The following CA10 variants were observed in gnomAD, a reference collection of about 807,000 sequenced individuals.
CA10 encodes carbonic anhydrase 10 (inactive).
In CA10, 14 loss-of-function variants were observed where a neutral mutation model predicts 44.2. The ratio of observed to expected loss-of-function variants is 0.32; its 90% CI spans 0.21 to 0.50. The LOEUF is 0.50. Ranked by LOEUF, CA10 falls within the 20% of genes least tolerant of loss-of-function variation. CA10 has a pLI of 0.99. For missense variants in CA10, 350 were observed against 409.7 expected, an observed-to-expected ratio of 0.85 and a Z score of 1.26; for synonymous variants, 159 against 141.6, an observed-to-expected ratio of 1.12 and a Z score of -0.87.
intron 4 of CA10, among the ~76,000 whole-genome samples, chr17:51,664,183 G>C (rs569491106): frequency 2.1e-4 from 32 of 152,240 alleles, no homozygotes; most frequent in African/African-American, 7.5e-4. Flanking sequence ...GTTAAGGCAA[G>C]AATTATTTTT....
chr17:52,031,134 T>C (rs1986453879), intron 2 of CA10, among the ~76,000 whole-genome samples: 2 of 151,006 alleles, frequency 1.3e-5, no homozygotes, highest in South Asian at 4.2e-4. Context: ...GCTTATTAAG[T>C]GGTTGGCAAT....
intron 1 of CA10, among the ~76,000 whole-genome samples, chr17:52,075,600 T>A (rs1426744226): frequency 6.6e-6 from 1 of 152,224 alleles, no homozygotes; most frequent in Non-Finnish European, 1.5e-5. Flanking sequence ...TCGTTGTTTC[T>A]AACTATCTAA....
chr17:51,693,897 C>A (rs1039939139), intron 4 of CA10, among the ~76,000 whole-genome samples: 2 of 152,046 alleles, frequency 1.3e-5, no homozygotes, highest in African/African-American at 4.8e-5. Flanking sequence ...TAGTTCTGTT[C>A]TAAGTTCTTT....
intron 1 of CA10, among the ~76,000 whole-genome samples, chr17:52,091,714 A>T (rs1413076243): frequency 6.6e-6 from 1 of 152,192 alleles, no homozygotes; most frequent in African/African-American, 2.4e-5. Flanking sequence ...TGTACAAGAC[A>T]ATGAACATTG....
chr17:52,024,971 C>T (rs1011301602), intron 2 of CA10, among the ~76,000 whole-genome samples: 1 of 151,516 alleles, frequency 6.6e-6, no homozygotes, highest in African/African-American at 2.4e-5. Flanking sequence ...ATATACACTC[C>T]CCCAAAAAGT....
intron 3 of CA10, among the ~76,000 whole-genome samples, chr17:51,916,309 G>A (rs1023976926): frequency 6.6e-6 from 1 of 152,174 alleles, no homozygotes; most frequent in Admixed American, 6.5e-5. Flanking sequence ...TCATTGCAAA[G>A]GTGCCACTAG....
intron 2 of CA10, among the ~76,000 whole-genome samples, chr17:51,977,869 G>A (rs561342324): frequency 1.3e-5 from 2 of 151,880 alleles, no homozygotes; most frequent in Admixed American, 6.6e-5. Context: ...AAAAAAATTC[G>A]GATTCTATAT....
At chr17:51,719,418 G>A (rs1376109513) in intron 4 of CA10, among the ~76,000 whole-genome samples, 3 of 152,160 alleles carry the variant, frequency 2.0e-5, no homozygotes, top group Non-Finnish European at 4.4e-5. Context: ...GAAGATCCAT[G>A]GTGTATTTCC....
rs367550471 is a variant in CA10 at position 52,059,360 on chromosome 17, G to A, written c.136+12959C>T. ...GGTGAGGAAAACAAGCTCCTGATATGCTAAGTGACTTGCCTAAGATCTCAT... is the reference window on the plus strand; with the variant it reads ...GGTGAGGAAAACAAGCTCCTGATATACTAAGTGACTTGCCTAAGATCTCAT... On this transcript the variant is annotated intron_variant, in intron 2 of 8. Transcript: ENST00000451037. Among the ~76,000 whole-genome samples, 8 of 152,246 alleles carry A rather than the reference G, an allele frequency of 5.3e-5. No homozygotes were observed. The East Asian group carries it at 1.4e-3, about 26-fold the overall frequency.
At chr17:52,008,953 T>C (rs1985695375) in intron 2 of CA10, among the ~76,000 whole-genome samples, 1 of 151,956 alleles carries the variant, frequency 6.6e-6, no homozygotes, top group African/African-American at 2.4e-5. Context: ...AAGTGCTTCT[T>C]ATCTTTTTGA....
chr17:52,014,841 G>A (rs55846845), intron 2 of CA10, among the ~76,000 whole-genome samples: 75,380 of 151,744 alleles, frequency 0.5, 19,237 homozygotes, highest in African/African-American at 0.57. Flanking sequence ...AGAGAAATGC[G>A]TATTTGAAAA....
chr17:51,645,092 G>A (rs1039054081), intron 6 of CA10, among the ~76,000 whole-genome samples: 10 of 152,004 alleles, frequency 6.6e-5, no homozygotes, highest in East Asian at 1.9e-4. Flanking sequence ...CACTGTGCCC[G>A]GCCTCTTGGC....
intron 2 of CA10, among the ~76,000 whole-genome samples, chr17:51,953,929 A>C (rs1236689036): frequency 6.6e-6 from 1 of 152,192 alleles, no homozygotes; most frequent in East Asian, 1.9e-4. Flanking sequence ...TCAGTGCTCC[A>C]AGAAAGTTAA....
chr17:51,795,371 G>A (rs1024455494), intron 3 of CA10, among the ~76,000 whole-genome samples: 3 of 152,106 alleles, frequency 2.0e-5, no homozygotes, highest in African/African-American at 7.2e-5. Context: ...AATGTGTTCT[G>A]ATTACCAAAG....
chr17:52,088,353 C>T (rs984092328), intron 1 of CA10, among the ~76,000 whole-genome samples: 6 of 152,168 alleles, frequency 3.9e-5, no homozygotes, highest in African/African-American at 7.2e-5. Context: ...ATATCACATG[C>T]AGTCATTCTA....
chr17:51,780,656 C>T (rs6504747), intron 3 of CA10, among the ~76,000 whole-genome samples: 13,930 of 152,166 alleles, frequency 0.092, 1,111 homozygotes, highest in African/African-American at 0.22. Context: ...GAAGTACACA[C>T]GGAGCAGTGG....
chr17:52,133,059 G>A (rs1273772942), intron 1 of CA10, among the ~76,000 whole-genome samples: 3 of 152,196 alleles, frequency 2.0e-5, no homozygotes, highest in Non-Finnish European at 2.9e-5. Context: ...TGGGAGTTGG[G>A]CTGGACCTAA....
At chr17:51,751,565 AG>A (rs1201172249) in intron 3 of CA10, among the ~76,000 whole-genome samples, 5 of 152,160 alleles carry the variant, frequency 3.3e-5, no homozygotes, top group African/African-American at 1.2e-4. Flanking sequence ...ATGGGTGCCT[AG>A]GTGATATTGA....
chr17:51,732,784 G>A (rs1291750891), intron 4 of CA10, among the ~76,000 whole-genome samples: 2 of 152,142 alleles, frequency 1.3e-5, no homozygotes, highest in Non-Finnish European at 2.9e-5. Flanking sequence ...AAGGTCTTGC[G>A]CCAAAGGAAC....
Sources: allele counts gnomAD v4.1 joint callset (sites outside exome capture counted in the v4.1 genomes callset), GRCh38; gene constraint gnomAD v4.1.1; transcripts MANE v1.5; gene names NCBI Gene and HGNC (gene_info 2026-07-23, HGNC 2026-07-21).